Variants in ITPK1 observed in about 807,000 individuals in gnomAD.
ITPK1 encodes inositol-tetrakisphosphate 1-kinase.
Under a neutral mutation model 45.3 loss-of-function variants are expected in ITPK1, and 21 were observed. The observed-to-expected ratio is 0.46, with a 90% CI of 0.33 to 0.67. ITPK1 has a LOEUF of 0.67. ITPK1 is among the 30% of genes least tolerant of loss of function. The pLI is 0.02. For synonymous variants in ITPK1, 258 were observed against 253.6 expected (o/e 1.02, Z -0.16); for missense variants, 474 against 573.5 (o/e 0.83, Z 1.77).
intron 3 of ITPK1, among the ~76,000 whole-genome samples, chr14:93,050,034 C>T: frequency 6.6e-6 from 1 of 152,186 alleles, no homozygotes; most frequent in African/African-American, 2.4e-5. Flanking sequence ...GGAAGTGCAA[C>T]TCCTGCTCAG....
intron 5 of ITPK1, among the ~76,000 whole-genome samples, chr14:92,983,883 T>C (rs1886356684): frequency 6.6e-6 from 1 of 151,896 alleles, no homozygotes; most frequent in Non-Finnish European, 1.5e-5. Context: ...TTAGGATTCA[T>C]TCATTCATGT....
rs574548381 is a variant in ITPK1 at position 92,941,668 on chromosome 14, C to T, written c.1138G>A (p.Gly380Ser). 183 of 1,540,396 alleles carry T rather than the reference C, an allele frequency of 1.2e-4. No individual in the cohort carries two copies. Among genetic ancestry groups the T allele is most frequent in the South Asian group, 9.5e-4 (80 of 84,034 alleles). Reference protein sequence around the residue: ...APWKAEADAGGTAKLPHQRLG... With the variant: ...APWKAEADAGSTAKLPHQRLG... ...CTCTGGTGCGGCAGCTTGGCGGTGC[C>T]GCCCGCGTCGGCCTCAGCCTTCCAG... The change falls in exon 11 of 11, where the codon GGC becomes AGC. Residue 380 changes from glycine (G) to serine (S), a missense_variant. Transcript: ENST00000267615.
intron 2 of ITPK1, among the ~76,000 whole-genome samples, chr14:93,083,262 A>G (rs1345893273): frequency 6.6e-6 from 1 of 152,120 alleles, no homozygotes; most frequent in Non-Finnish European, 1.5e-5. Context: ...GGCCTGCCAC[A>G]CAGCACAGCA....
Position 92,958,416 on chromosome 14 carries a change from GCCT to G in ITPK1, c.505-53_505-51del. On this transcript the variant is annotated intron_variant, in intron 7 of 10. Coordinates refer to ENST00000267615, the MANE Select transcript of ITPK1 (RefSeq NM_014216.6). This position sits in a 1 kb window ranked among gnomAD's most constrained non-coding sequence, Gnocchi z 4.4. ...TCTGTCAGAATCCACCACCTTCTCA[GCCT>G]CCAACACACAGGTGTGTCACCTGTC... 1 of 1,586,636 alleles carries G rather than the reference GCCT, an allele frequency of 6.3e-7. No individual in the cohort carries two copies. Among genetic ancestry groups the G allele is most frequent in the Non-Finnish European group, 8.6e-7 (1 of 1,157,620 alleles).
intron 2 of ITPK1, among the ~76,000 whole-genome samples, chr14:93,088,127 G>A (rs970980557): frequency 6.6e-6 from 1 of 152,128 alleles, no homozygotes; most frequent in Non-Finnish European, 1.5e-5. Context: ...GCCTGAGCAC[G>A]ACCCAAATAA....
rs111414715 is a variant in ITPK1, at chr14:93,032,085, C to CA, written c.121-15285dup. ...AACAAAGCAGCCGGGTGCAGTGGCT[C>CA]ACGCCTGTCATCCCAGCACTTTAGG... On this transcript the variant is annotated intron_variant, in intron 3 of 10. Coordinates refer to ENST00000267615, the MANE Select transcript of ITPK1 (RefSeq NM_014216.6). This position sits in a 1 kb window ranked among gnomAD's most constrained non-coding sequence, Gnocchi z 4.0. Among the ~76,000 whole-genome samples, 1,347 of 152,302 alleles carry CA rather than the reference C, an allele frequency of 8.8e-3. 25 individuals carry two copies. The highest frequency in any genetic ancestry group is 0.031 in the African/African-American group (1,282 of 41,564).
At chr14:92,950,518 A>G (rs1187980896) in intron 9 of ITPK1, among the ~76,000 whole-genome samples, 1 of 152,218 alleles carries the variant, frequency 6.6e-6, no homozygotes, top group Non-Finnish European at 1.5e-5. Context: ...GTGACTGCAG[A>G]CCTCAGAGGT....
chr14:92,986,504 G>A (rs1043547624), intron 5 of ITPK1, among the ~76,000 whole-genome samples: 3 of 152,212 alleles, frequency 2.0e-5, no homozygotes, highest in Non-Finnish European at 4.4e-5. Context: ...AAAGTGATCG[G>A]AGCCAGCTGA....
chr14:93,042,351 G>A (rs1889593654), intron 3 of ITPK1, among the ~76,000 whole-genome samples: 1 of 152,214 alleles, frequency 6.6e-6, no homozygotes, highest in African/African-American at 2.4e-5. Flanking sequence ...CAGCCAAGCA[G>A]CTTCGACCCT....
At position 92,940,439 on chromosome 14, in the gene ITPK1, G is replaced by A; in HGVS notation, c.*1122C>T. 8.9e-7 allele frequency: 1 copy of A among 1,120,354 alleles called. No homozygotes were observed. Among genetic ancestry groups the A allele is most frequent in the Non-Finnish European group, 1.1e-6 (1 of 907,178 alleles). The allele number at this position is 1,120,354 out of a possible 1,614,324, so 69.4% of individuals were successfully genotyped here. A position where few individuals can be genotyped will look rare whatever the true frequency, so the allele number is the denominator to read the frequency against. On this transcript the variant is annotated 3_prime_UTR_variant, in exon 11 of 11. Transcript: ENST00000267615. The stretch of plus-strand genomic sequence containing the variant: ...TGATGGGGTGAGTCTGAGGTGTGCA[G>A]AAGCGATGGGGGGCGGGTGGCTCCC...
At chr14:93,045,624 G>C (rs1180124878) in intron 3 of ITPK1, among the ~76,000 whole-genome samples, 1 of 152,148 alleles carries the variant, frequency 6.6e-6, no homozygotes, top group Non-Finnish European at 1.5e-5. Flanking sequence ...CTGTGAAATA[G>C]CCACTGTACT....
rs957293565 is a variant in ITPK1 at position 93,000,998 on chromosome 14, G to C, written c.247-7001C>G. The stretch of plus-strand genomic sequence containing the variant: ...CTAAAAAAAAAAAAAAAAAAAAAAA[G>C]GCTGGGCACGGTGGCTCACGCCTGT... On this transcript the variant is annotated intron_variant, in intron 4 of 10. Transcript: ENST00000267615. Among the ~76,000 whole-genome samples the C allele has an allele frequency of 2.5e-4, 31 of 126,234 alleles. No homozygotes were observed. In the South Asian group the frequency reaches 6.6e-3, roughly 27 times the overall value. 82.8% of individuals were successfully genotyped at this position (126,234 alleles called of 152,430 possible).
At chr14:92,984,755 AAGGGGAT>A (rs1168803861) in intron 5 of ITPK1, among the ~76,000 whole-genome samples, 1 of 152,166 alleles carries the variant, frequency 6.6e-6, no homozygotes, top group Non-Finnish European at 1.5e-5. Context: ...GCAAAGCTGC[AAGGGGAT>A]CCTGTCACTT....
At chr14:93,083,913 G>A (rs1891545846) in intron 2 of ITPK1, among the ~76,000 whole-genome samples, 2 of 152,274 alleles carry the variant, frequency 1.3e-5, no homozygotes, top group South Asian at 2.1e-4. Flanking sequence ...GGACTCCATT[G>A]CACTGACCCC....
Position 92,962,477 on chromosome 14 carries a change from G to A in ITPK1, c.464-82C>T, listed in dbSNP as rs1885128426. The A allele has an allele frequency of 2.6e-5, 25 of 954,728 alleles. No homozygotes were observed. The South Asian group carries it at 3.3e-4, about 12-fold the overall frequency. The allele number at this position is 954,728 out of a possible 1,614,324, so 59.1% of individuals were successfully genotyped here. A position where few individuals can be genotyped will look rare whatever the true frequency, so the allele number is the denominator to read the frequency against. On this transcript the variant is annotated intron_variant, in intron 6 of 10. Transcript: ENST00000267615. ...GCAGGTACTTGGCACGTCTAGAAAGGAACTCTAGCTGAGACACAGACTCTG... is the reference window on the plus strand; with the variant it reads ...GCAGGTACTTGGCACGTCTAGAAAGAAACTCTAGCTGAGACACAGACTCTG...
At chr14:93,058,233 G>A (rs1156261508) in intron 3 of ITPK1, among the ~76,000 whole-genome samples, 3 of 151,342 alleles carry the variant, frequency 2.0e-5, no homozygotes, top group Non-Finnish European at 4.4e-5. Flanking sequence ...GATGGCCACA[G>A]GGGCATCTGG....
Position 92,940,406 on chromosome 14 carries a change from T to TTGGCAGA in ITPK1, c.*1154_*1155insTCTGCCA, listed in dbSNP as rs1887300806. ...TCAGACGGCAGAGCCAGTGCTTTGC[T>TTGGCAGA]GCCAAGGTGATGGGGTGAGTCTGAG... On this transcript the variant is annotated 3_prime_UTR_variant, in exon 11 of 11. Transcript: ENST00000267615. 1 of 1,029,694 alleles carries TTGGCAGA rather than the reference T, an allele frequency of 9.7e-7. No individual in the cohort carries two copies. The highest frequency in any genetic ancestry group is 1.2e-6 in the Non-Finnish European group (1 of 855,752). The allele number at this position is 1,029,694 out of a possible 1,614,324, so 63.8% of individuals were successfully genotyped here.
intron 3 of ITPK1, among the ~76,000 whole-genome samples, chr14:93,023,999 A>G (rs1207479501): frequency 6.6e-6 from 1 of 152,030 alleles, no homozygotes; most frequent in African/African-American, 2.4e-5. Flanking sequence ...GTTGCCAGGC[A>G]CCAATCTAGT....
At chr14:92,975,079 C>T (rs962586663) in intron 5 of ITPK1, among the ~76,000 whole-genome samples, 1 of 152,192 alleles carries the variant, frequency 6.6e-6, no homozygotes, top group African/African-American at 2.4e-5. Flanking sequence ...AGGGAGAACT[C>T]GGGAGGTGTG....
Sources: allele counts gnomAD v4.1 joint callset (sites outside exome capture counted in the v4.1 genomes callset), GRCh38; gene constraint gnomAD v4.1.1; non-coding constraint Gnocchi (gnomAD v3.1); transcripts MANE v1.5; gene names NCBI Gene and HGNC (gene_info 2026-07-23, HGNC 2026-07-21).